The following CFAP299 variants were observed in gnomAD, a reference collection of about 807,000 sequenced individuals.
CFAP299 encodes the protein cilia and flagella associated protein 299.
CFAP299 carries 21 observed loss-of-function variants against 27.0 expected under a neutral mutation model. The ratio of observed to expected loss-of-function variants is 0.78; its 90% CI spans 0.55 to 1.12. The LOEUF (loss-of-function observed/expected upper bound fraction) is 1.12. Ranked by LOEUF, CFAP299 falls within the 50% of genes most tolerant of loss-of-function variation. The probability of loss-of-function intolerance (pLI) is 0.00; values close to 1 mark genes in which losing one functional copy is unlikely to be tolerated. For synonymous variants in CFAP299, 104 were observed against 98.1 expected (o/e 1.06, Z -0.36); for missense variants, 310 against 276.6 (o/e 1.12, Z -0.86).
At chr4:80,530,470 G>A (rs569265275) in intron 2 of CFAP299, among the ~76,000 whole-genome samples, 5 of 152,114 alleles carry the variant, frequency 3.3e-5, no homozygotes, top group Admixed American at 1.3e-4. Context: ...TTTCTTAACT[G>A]TAAGGCTTTT....
intron 3 of CFAP299, among the ~76,000 whole-genome samples, chr4:80,737,654 T>C (rs1723986463): frequency 6.6e-6 from 1 of 152,130 alleles, no homozygotes; most frequent in African/African-American, 2.4e-5. Flanking sequence ...TTTCTAATCT[T>C]AGTATCCTCT....
chr4:80,642,954 G>A (rs2109960892), intron 3 of CFAP299, among the ~76,000 whole-genome samples: 1 of 152,078 alleles, frequency 6.6e-6, no homozygotes, highest in East Asian at 1.9e-4. Flanking sequence ...AAAGGACACT[G>A]AGAAGTAGCC....
At chr4:80,376,302 T>A (rs556525014) in intron 2 of CFAP299, among the ~76,000 whole-genome samples, 1 of 152,344 alleles carries the variant, frequency 6.6e-6, no homozygotes, top group South Asian at 2.1e-4. Flanking sequence ...TTTGTGTACA[T>A]ATCTGTTTTC....
the CFAP299 span, among the ~76,000 whole-genome samples, chr4:80,326,554 C>T: frequency 6.6e-6 from 1 of 152,192 alleles, no homozygotes; most frequent in Non-Finnish European, 1.5e-5. Context: ...TAATGAGCCA[C>T]TCATCAAGAT....
At chr4:80,639,538 AT>A (rs766039445) in intron 3 of CFAP299, among the ~76,000 whole-genome samples, 17 of 152,208 alleles carry the variant, frequency 1.1e-4, no homozygotes, top group Non-Finnish European at 2.4e-4. Flanking sequence ...ATTAAACCAC[AT>A]TTGAGAAAAA....
chr4:80,583,710 A>C (rs1736289086), intron 3 of CFAP299, among the ~76,000 whole-genome samples: 1 of 151,954 alleles, frequency 6.6e-6, no homozygotes, highest in Non-Finnish European at 1.5e-5. Flanking sequence ...AAATATGTAG[A>C]GAATGCGAAT....
intron 4 of CFAP299, among the ~76,000 whole-genome samples, chr4:80,939,441 G>C (rs1424756714): frequency 6.6e-6 from 1 of 151,756 alleles, no homozygotes; most frequent in East Asian, 1.9e-4. Flanking sequence ...TCTTCTGTTT[G>C]ATCAAGTGAG....
intron 3 of CFAP299, among the ~76,000 whole-genome samples, chr4:80,626,007 A>G (rs1183636330): frequency 1.3e-5 from 2 of 151,996 alleles, no homozygotes; most frequent in African/African-American, 2.4e-5. Context: ...AGGAAACAGT[A>G]AACTAAAAGC....
At chr4:80,882,590 A>G (rs1364938811) in intron 4 of CFAP299, among the ~76,000 whole-genome samples, 2 of 152,012 alleles carry the variant, frequency 1.3e-5, no homozygotes, top group African/African-American at 4.8e-5. Flanking sequence ...GTAAGCCGAG[A>G]TAGCGCCGCT....
chr4:80,585,444 T>A (rs1736386579), intron 3 of CFAP299, among the ~76,000 whole-genome samples: 1 of 152,200 alleles, frequency 6.6e-6, no homozygotes. Context: ...TATTACTAAG[T>A]TATTTTTTTC....
At chr4:80,562,829 A>T (rs1287593500) in intron 2 of CFAP299, among the ~76,000 whole-genome samples, 1 of 151,848 alleles carries the variant, frequency 6.6e-6, no homozygotes, top group Non-Finnish European at 1.5e-5. Flanking sequence ...GAACCCACAG[A>T]CTGAAAATAA....
chr4:80,382,869 A>G (rs566030784), intron 2 of CFAP299, among the ~76,000 whole-genome samples: 123 of 152,308 alleles, frequency 8.1e-4, no homozygotes, highest in Non-Finnish European at 1.5e-3. Flanking sequence ...TATCATAAAA[A>G]CACTTGCACA....
chr4:80,621,892 T>A (rs1399546470), intron 3 of CFAP299, among the ~76,000 whole-genome samples: 1 of 152,046 alleles, frequency 6.6e-6, no homozygotes, highest in Non-Finnish European at 1.5e-5. Context: ...GGGTGAGGAC[T>A]GCTAAGGGGA....
At chr4:80,949,460 T>C (rs1737651622) in intron 5 of CFAP299, among the ~76,000 whole-genome samples, 1 of 151,730 alleles carries the variant, frequency 6.6e-6, no homozygotes. Flanking sequence ...GAAGTAAACT[T>C]TTAGTGGGGA....
intron 3 of CFAP299, among the ~76,000 whole-genome samples, chr4:80,655,812 C>T (rs1161811401): frequency 1.3e-5 from 2 of 152,130 alleles, no homozygotes; most frequent in Non-Finnish European, 1.5e-5. Context: ...AACTGGGAAG[C>T]TGCCAACTTC....
intron 3 of CFAP299, among the ~76,000 whole-genome samples, chr4:80,651,705 TGTGTG>T (rs1740310263): frequency 1.1e-3 from 1 of 936 alleles, no homozygotes; most frequent in Non-Finnish European, 4.5e-3. Flanking sequence ...GGTATGCACT[TGTGTG>T]TGTGTGTGTG....
intron 3 of CFAP299, among the ~76,000 whole-genome samples, chr4:80,707,375 T>C (rs1721882397): frequency 6.6e-6 from 1 of 151,996 alleles, no homozygotes; most frequent in Non-Finnish European, 1.5e-5. Context: ...AATAAAGTTG[T>C]ATTAAAATGC....
chr4:80,578,805 ATT>A (rs1736014568), intron 2 of CFAP299, among the ~76,000 whole-genome samples: 1 of 152,136 alleles, frequency 6.6e-6, no homozygotes, highest in South Asian at 2.1e-4. Context: ...TTTTAGTTTA[ATT>A]TTTATTATCT....
At position 80,561,756 on chromosome 4, in the gene CFAP299, C is replaced by T. The variant is rs184598024; in HGVS notation, c.243-21337C>T. ...TGAAGAAAGCCTATTTGAAAATACA[C>T]GGTCAGAGGAGACAAAAGAAAAAAG... On this transcript the variant is annotated intron_variant, in intron 2 of 5. Transcript: ENST00000358105. Among the ~76,000 whole-genome samples the T allele has an allele frequency of 5.1e-3, 782 of 151,966 alleles. 8 individuals are homozygous for T. Among genetic ancestry groups the T allele is most frequent in the Non-Finnish European group, 6.5e-3 (439 of 67,968 alleles).
Sources: gnomAD v4.1 joint callset for allele counts (sites outside exome capture counted in the v4.1 genomes callset) on GRCh38, gnomAD v4.1.1 for gene constraint, MANE v1.5 for transcripts, NCBI Gene and HGNC (gene_info 2026-07-23, HGNC 2026-07-21) for gene names.